Variants in UBXN7 observed in about 807,000 individuals in gnomAD.
UBXN7 encodes the protein UBX domain protein 7.
Under a neutral mutation model 58.0 loss-of-function variants are expected in UBXN7, and 9 were observed. The ratio of observed to expected loss-of-function variants is 0.16; its 90% confidence interval spans 0.09 to 0.27. UBXN7 has a LOEUF of 0.27. Among genes scored for constraint, UBXN7 ranks in the 10% least tolerant of loss-of-function variants. The pLI is 1.00. For synonymous variants in UBXN7, 208 were observed against 205.0 expected (o/e 1.01, Z -0.12); for missense variants, 328 against 599.6 (o/e 0.55, Z 4.73).
chr3:196,365,559 C>G (rs1055190784), intron 8 of UBXN7, among the ~76,000 whole-genome samples: 7 of 152,018 alleles, frequency 4.6e-5, no homozygotes, highest in Non-Finnish European at 7.4e-5. Context: ...CATGCCACAC[C>G]CCAGCTGGTT....
At chr3:196,358,728 G>A (rs144409339) in intron 10 of UBXN7, among the ~76,000 whole-genome samples, 2 of 152,116 alleles carry the variant, frequency 1.3e-5, no homozygotes, top group East Asian at 3.9e-4. Flanking sequence ...GCGACAGAGC[G>A]ACCCTGTCTC....
At chr3:196,401,275 ATATATATAT>A (rs1352383364) in intron 3 of UBXN7, among the ~76,000 whole-genome samples, 1 of 37,754 alleles carries the variant, frequency 2.6e-5, no homozygotes, top group East Asian at 1.1e-3. Flanking sequence ...AAAAAAAAAA[ATATATATAT>A]ATATATATAT....
At chr3:196,418,256 A>AGGAAGGAGGGAGGGAG (rs1388372790) in intron 1 of UBXN7, among the ~76,000 whole-genome samples, 1 of 148,574 alleles carries the variant, frequency 6.7e-6, no homozygotes, top group Non-Finnish European at 1.5e-5. Flanking sequence ...GAAGAAAAGA[A>AGGAAGGAGGGAGGGAG]GGAAGGAGGG....
At chr3:196,417,090 G>C (rs1730511978) in intron 1 of UBXN7, among the ~76,000 whole-genome samples, 1 of 152,200 alleles carries the variant, frequency 6.6e-6, no homozygotes, top group Non-Finnish European at 1.5e-5. Context: ...GAGGCGGGCG[G>C]ATCACAAGGT....
chr3:196,403,068 C>T (rs1355389646), intron 2 of UBXN7, 49 bp from the exon 3 acceptor site: 1 of 1,526,120 alleles, frequency 6.6e-7, no homozygotes, highest in East Asian at 2.3e-5. Context: ...TTTTCTGCTA[C>T]CTGTTTGCTT....
At chr3:196,375,040 A>AAGGAAGGGAGGG (rs1356697769) in intron 5 of UBXN7, among the ~76,000 whole-genome samples, 2 of 135,296 alleles carry the variant, frequency 1.5e-5, no homozygotes, top group Non-Finnish European at 3.3e-5. Flanking sequence ...GGAAGGAAGG[A>AAGGAAGGGAGGG]AGGGAAAGGA....
intron 2 of UBXN7, among the ~76,000 whole-genome samples, chr3:196,404,159 A>G (rs953627798): frequency 5.9e-5 from 9 of 151,974 alleles, no homozygotes; most frequent in African/African-American, 1.7e-4. Context: ...TTGCTGATTA[A>G]TGTTCACAGC....
At chr3:196,386,380 T>TAAAAAAAAAAAAAAAA (rs34268326) in intron 5 of UBXN7, among the ~76,000 whole-genome samples, 1 of 57,728 alleles carries the variant, frequency 1.7e-5, no homozygotes, top group Non-Finnish European at 3.2e-5. Flanking sequence ...TAATAAACAC[T>TAAAAAAAAAAAAAAAA]AAAAAAAAAA....
intron 3 of UBXN7, among the ~76,000 whole-genome samples, chr3:196,396,888 G>A (rs1177925921): frequency 2.0e-5 from 3 of 152,144 alleles, no homozygotes; most frequent in Admixed American, 2.0e-4. Flanking sequence ...GCCAAAGATA[G>A]GTTAGTCAAT....
chr3:196,370,151 A>C (rs1018574937), intron 6 of UBXN7, among the ~76,000 whole-genome samples: 2 of 144,898 alleles, frequency 1.4e-5, no homozygotes, highest in Non-Finnish European at 3.1e-5. Context: ...AAAAAAAAAG[A>C]TTATGGCTCC....
intron 5 of UBXN7, among the ~76,000 whole-genome samples, chr3:196,386,526 T>C (rs1214381479): frequency 6.6e-6 from 1 of 151,662 alleles, no homozygotes; most frequent in East Asian, 1.9e-4. Context: ...AGTCTTAGGA[T>C]ACAAAATCAA....
chr3:196,353,871 T>TA lies in UBXN7; in HGVS notation c.*2813_*2814insT, dbSNP rs1186899745. The TA allele has an allele frequency of 7.0e-6, 1 of 142,844 alleles. No individual in the cohort carries two copies. Among genetic ancestry groups the TA allele is most frequent in the Non-Finnish European group, 1.5e-5 (1 of 65,856 alleles). The allele number at this position is 142,844 out of a possible 1,614,324, so 8.8% of individuals were successfully genotyped here. On this transcript the variant is annotated 3_prime_UTR_variant, in exon 11 of 11. Coordinates refer to ENST00000296328, the MANE Select transcript of UBXN7 (RefSeq NM_015562.2). ...CTTTCTTGTTCTTTTCCTCCCTAGC[T>TA]TTTTTTTTTTAAACACTCCTTTCAA...
intron 1 of UBXN7, chr3:196,432,034 C>T (rs1363826723): frequency 3.6e-6 from 2 of 552,196 alleles, no homozygotes; most frequent in South Asian, 2.0e-5. Flanking sequence ...GGTCCCCGGG[C>T]CGGCGGGGGC....
At chr3:196,420,400 G>T (rs1730643401) in intron 1 of UBXN7, among the ~76,000 whole-genome samples, 1 of 151,886 alleles carries the variant, frequency 6.6e-6, no homozygotes, top group African/African-American at 2.4e-5. Flanking sequence ...GCATGGTGAT[G>T]CGTGCCTGTA....
intron 7 of UBXN7, among the ~76,000 whole-genome samples, chr3:196,368,597 A>AGT (rs1318257944): frequency 6.6e-6 from 1 of 152,198 alleles, no homozygotes; most frequent in Non-Finnish European, 1.5e-5. Flanking sequence ...ATAACCTAGA[A>AGT]GTCACATCAA....
intron 1 of UBXN7, among the ~76,000 whole-genome samples, chr3:196,418,322 G>A (rs1730570544): frequency 6.6e-6 from 1 of 152,138 alleles, no homozygotes; most frequent in Non-Finnish European, 1.5e-5. Flanking sequence ...CGGACAGATA[G>A]TCCCAAGTTT....
intron 3 of UBXN7, among the ~76,000 whole-genome samples, chr3:196,401,767 TTAAAAAAAAA>T (rs1729993220): frequency 1.2e-5 from 1 of 82,032 alleles, no homozygotes; most frequent in Non-Finnish European, 2.6e-5. Context: ...CATCTCTATT[TTAAAAAAAAA>T]AAAAAAAAAA....
intron 3 of UBXN7, chr3:196,400,686 G>A: frequency 2.9e-6 from 1 of 340,538 alleles, no homozygotes. Flanking sequence ...ACTGCAGTAA[G>A]CAAGGATTGT....
chr3:196,383,757 C>A (rs563319684), intron 5 of UBXN7, among the ~76,000 whole-genome samples: 2 of 152,238 alleles, frequency 1.3e-5, no homozygotes, highest in South Asian at 4.1e-4. Context: ...CCAATGAGAA[C>A]AAAGACACAA....
Sources: allele counts gnomAD v4.1 joint callset (sites outside exome capture counted in the v4.1 genomes callset), GRCh38; gene constraint gnomAD v4.1.1; transcripts MANE v1.5; gene names NCBI Gene and HGNC (gene_info 2026-07-23, HGNC 2026-07-21).